The following FAM3C variants were observed in gnomAD, a reference collection of about 807,000 sequenced individuals.
The protein encoded by FAM3C is FAM3 metabolism regulating signaling molecule C.
A neutral mutation model predicts 32.5 loss-of-function variants in FAM3C; 15 were observed. The ratio of observed to expected loss-of-function variants is 0.46; its 90% CI spans 0.31 to 0.71. The LOEUF is 0.71. Among genes scored for constraint, FAM3C ranks in the 30% least tolerant of loss-of-function variants. The pLI is 0.05. For missense variants in FAM3C, 175 were observed against 274.4 expected (o/e 0.64, Z 2.56); for synonymous variants, 75 against 86.1 (o/e 0.87, Z 0.72).
chr7:121,372,718 TA>T, intron 3 of FAM3C, among the ~76,000 whole-genome samples: 1 of 152,090 alleles, frequency 6.6e-6, no homozygotes, highest in East Asian at 1.9e-4. Flanking sequence ...ATAATTATAG[TA>T]GGGCTTTTTA....
chr7:121,391,084 A>T (rs1218890739), intron 1 of FAM3C, among the ~76,000 whole-genome samples: 1 of 152,176 alleles, frequency 6.6e-6, no homozygotes, highest in African/African-American at 2.4e-5. Flanking sequence ...ATATTACTCA[A>T]ATGTTTTCTT....
intron 1 of FAM3C, among the ~76,000 whole-genome samples, chr7:121,383,876 A>T (rs1794410899): frequency 6.6e-6 from 1 of 152,232 alleles, no homozygotes; most frequent in African/African-American, 2.4e-5. Flanking sequence ...GGAATTCAAA[A>T]GGAAATTTTG....
At chr7:121,351,525 CTTCAT>C (rs1213270711) in intron 8 of FAM3C, 1 of 362,498 alleles carries the variant, frequency 2.8e-6, no homozygotes, top group Admixed American at 4.1e-5. Context: ...AACAATTCAC[CTTCAT>C]TTAACTTTTT....
chr7:121,365,077 C>T (rs1488122829), intron 5 of FAM3C, among the ~76,000 whole-genome samples: 3 of 152,060 alleles, frequency 2.0e-5, no homozygotes, highest in East Asian at 3.8e-4. Context: ...CACATAGGTA[C>T]ACAATTTATT....
intron 7 of FAM3C, chr7:121,362,563 C>CTT (rs1006460967): frequency 8.3e-4 from 173 of 209,570 alleles, no homozygotes; most frequent in African/African-American, 3.8e-3. Context: ...CTTCAAATTA[C>CTT]TTTTTTTTTT....
intron 3 of FAM3C, among the ~76,000 whole-genome samples, chr7:121,377,539 C>T (rs760551980): frequency 5.9e-5 from 9 of 152,084 alleles, no homozygotes; most frequent in East Asian, 3.8e-4. Context: ...ATAGTTTACT[C>T]GATGTAAGTA....
intron 1 of FAM3C, among the ~76,000 whole-genome samples, chr7:121,388,192 C>T (rs2116964398): frequency 6.6e-6 from 1 of 151,022 alleles, no homozygotes; most frequent in East Asian, 1.9e-4. Flanking sequence ...AGCAGGATAC[C>T]GAATCCTAGA....
chr7:121,382,931 T>C, intron 2 of FAM3C, 26 bp downstream of exon 2: 1 of 1,569,068 alleles, frequency 6.4e-7, no homozygotes, highest in African/African-American at 1.4e-5. Flanking sequence ...AAAGTACAAT[T>C]ACTTCTACTA....
chr7:121,390,327 A>G (rs904283873), intron 1 of FAM3C, among the ~76,000 whole-genome samples: 3 of 152,224 alleles, frequency 2.0e-5, no homozygotes, highest in African/African-American at 7.2e-5. Flanking sequence ...GGTGAAAAAG[A>G]TCTGACCTAA....
intron 8 of FAM3C, among the ~76,000 whole-genome samples, chr7:121,352,733 T>A (rs2116864864): frequency 6.6e-6 from 1 of 152,350 alleles, no homozygotes; most frequent in South Asian, 2.1e-4. Flanking sequence ...GTTTGCTCAC[T>A]TGATAACCAA....
At chr7:121,389,731 G>A (rs920043144) in intron 1 of FAM3C, among the ~76,000 whole-genome samples, 3 of 151,588 alleles carry the variant, frequency 2.0e-5, no homozygotes, top group African/African-American at 7.3e-5. Flanking sequence ...TGGCATTAAT[G>A]AGGGCTGTGG....
chr7:121,352,303 AAG>A (rs1562881909), intron 8 of FAM3C, among the ~76,000 whole-genome samples: 1 of 148,996 alleles, frequency 6.7e-6, no homozygotes, highest in Non-Finnish European at 1.5e-5. Context: ...ACTAAAGAAA[AAG>A]GGATACTCTT....
chr7:121,378,618 G>T (rs576142741), intron 3 of FAM3C, among the ~76,000 whole-genome samples: 1 of 152,126 alleles, frequency 6.6e-6, no homozygotes, highest in Admixed American at 6.5e-5. Context: ...AAGCCTGGAG[G>T]TATTTTATGT....
At chr7:121,395,234 CATACATACATATATATGG>C (rs67605909) in intron 1 of FAM3C, among the ~76,000 whole-genome samples, 53,994 of 132,632 alleles carry the variant, frequency 0.41, 13,184 homozygotes, top group African/African-American at 0.49. Flanking sequence ...TATATGGATA[CATACATACATATATATGG>C]ATACATACAT....
chr7:121,368,841 A>G (rs914008558), intron 5 of FAM3C, among the ~76,000 whole-genome samples: 4 of 151,930 alleles, frequency 2.6e-5, no homozygotes, highest in Admixed American at 2.0e-4. Context: ...ACTGTCTTAG[A>G]AACTGTTCCA....
intron 8 of FAM3C, among the ~76,000 whole-genome samples, chr7:121,357,029 G>A (rs972507390): frequency 3.0e-4 from 46 of 152,118 alleles, no homozygotes; most frequent in Non-Finnish European, 4.4e-4. Context: ...TGTGAATCCC[G>A]AAAAGGGGCA....
At chr7:121,359,079 A>G (rs544319034) in intron 8 of FAM3C, among the ~76,000 whole-genome samples, 1 of 152,130 alleles carries the variant, frequency 6.6e-6, no homozygotes, top group East Asian at 1.9e-4. Context: ...AAACTTAAAA[A>G]AATTAACAAT....
At chr7:121,386,920 T>A (rs569822514) in intron 1 of FAM3C, among the ~76,000 whole-genome samples, 269 of 151,978 alleles carry the variant, frequency 1.8e-3, no homozygotes, top group African/African-American at 5.9e-3. Flanking sequence ...TGGTATTTTT[T>A]AAAAAATACT....
At chr7:121,364,865 AG>A (rs1225208039) in intron 5 of FAM3C, among the ~76,000 whole-genome samples, 1 of 152,130 alleles carries the variant, frequency 6.6e-6, no homozygotes, top group Non-Finnish European at 1.5e-5. Flanking sequence ...TTATCAGTTC[AG>A]TTTGTTCAAT....
Sources: allele counts gnomAD v4.1 joint callset (sites outside exome capture counted in the v4.1 genomes callset), GRCh38; gene constraint gnomAD v4.1.1; transcripts MANE v1.5; gene names NCBI Gene and HGNC (gene_info 2026-07-23, HGNC 2026-07-21).